PRKAR1B: variants seen among roughly 807,000 people sequenced by gnomAD.
PRKAR1B encodes protein kinase cAMP-dependent type I regulatory subunit beta, also known as cAMP-dependent protein kinase type I-beta regulatory subunit.
PRKAR1B carries 22 observed loss-of-function variants against 46.5 expected under a neutral mutation model. The ratio of observed to expected loss-of-function variants is 0.47; its 90% CI spans 0.34 to 0.68. The LOEUF (loss-of-function observed/expected upper bound fraction) is 0.68. PRKAR1B is among the 30% of genes least tolerant of loss of function. The pLI, the probability that PRKAR1B is intolerant of heterozygous loss-of-function variation, is 0.01. For synonymous variants in PRKAR1B, 259 were observed against 217.7 expected, an observed-to-expected ratio of 1.19 and a Z score of -1.67; for missense variants, 445 against 535.6, an observed-to-expected ratio of 0.83 and a Z score of 1.67.
intron 1 of PRKAR1B, among the ~76,000 whole-genome samples, chr7:724,523 G>A (rs1180557126): frequency 1.6e-4 from 25 of 152,216 alleles, no homozygotes; most frequent in Admixed American, 1.5e-3. Context: ...CCAGCCATGT[G>A]GAACTGTGAG....
At chr7:636,972 C>A (rs1041917178) in intron 4 of PRKAR1B, among the ~76,000 whole-genome samples, 3 of 152,168 alleles carry the variant, frequency 2.0e-5, no homozygotes, top group African/African-American at 7.2e-5. Flanking sequence ...CCGGGACAGG[C>A]CAAGCTCCAG....
intron 6 of PRKAR1B, among the ~76,000 whole-genome samples, chr7:599,331 CTT>C (rs1781460799): frequency 6.6e-6 from 1 of 151,544 alleles, no homozygotes; most frequent in Admixed American, 6.6e-5. Context: ...GAGTTTCGCT[CTT>C]GTTCCTCAGG....
intron 7 of PRKAR1B, among the ~76,000 whole-genome samples, chr7:592,297 C>T (rs571986814): frequency 3.9e-5 from 6 of 152,378 alleles, no homozygotes; most frequent in African/African-American, 1.4e-4. Flanking sequence ...CTCGGGGACC[C>T]TCCGTGACCT....
chr7:607,987 A>C (rs1782204540), intron 4 of PRKAR1B: 1 of 156,316 alleles, frequency 6.4e-6, no homozygotes, highest in Admixed American at 6.5e-5. Flanking sequence ...GGTGAGGCCG[A>C]GTCTCAGGGC....
chr7:581,207 G>A (rs996552601), intron 8 of PRKAR1B, among the ~76,000 whole-genome samples: 111 of 151,898 alleles, frequency 7.3e-4, no homozygotes, highest in African/African-American at 2.7e-3. Context: ...GGAGGCTGAG[G>A]CAGGAGAATG....
At chr7:680,236 C>A (rs1382009048) in intron 3 of PRKAR1B, among the ~76,000 whole-genome samples, 1 of 152,002 alleles carries the variant, frequency 6.6e-6, no homozygotes, top group South Asian at 2.1e-4. Context: ...GACAGAGCCT[C>A]TGCTCACTCC....
In PRKAR1B at chr7:619,278, C is replaced by T. The variant is rs181204354; in HGVS notation, c.441-11826G>A. ...CCTCAGGGGGAACCAGCCCTGCCCA[C>T]ATCTTGAGCTTGGACTTCTGGCCTC... On this transcript the variant is annotated intron_variant, in intron 4 of 10. Coordinates refer to ENST00000537384, the MANE Select transcript of PRKAR1B (RefSeq NM_001164760.2). Among the ~76,000 whole-genome samples, 13 of 152,334 alleles carry T rather than the reference C, an allele frequency of 8.5e-5. No individual in the cohort carries two copies. In the East Asian group the frequency reaches 2.5e-3, roughly 29 times the overall value.
At chr7:690,225 G>A (rs1779336375) in intron 2 of PRKAR1B, among the ~76,000 whole-genome samples, 1 of 151,808 alleles carries the variant, frequency 6.6e-6, no homozygotes, top group Non-Finnish European at 1.5e-5. Flanking sequence ...GAACCCAGGA[G>A]GCAGACGTTG....
chr7:555,699 G>A (rs994409912), intron 9 of PRKAR1B, among the ~76,000 whole-genome samples: 1 of 152,082 alleles, frequency 6.6e-6, no homozygotes, highest in Non-Finnish European at 1.5e-5. Context: ...TCTCCACTTC[G>A]CAGATGGAAG....
At chr7:636,050 G>A (rs1344755847) in intron 4 of PRKAR1B, among the ~76,000 whole-genome samples, 16 of 22,204 alleles carry the variant, frequency 7.2e-4, no homozygotes, top group African/African-American at 2.9e-3. Context: ...GTCCTCCACC[G>A]GCCGCGCCCA....
At chr7:606,330 G>T in intron 5 of PRKAR1B, 91 bp from the exon 6 acceptor site, 1 of 1,185,258 alleles carries the variant, frequency 8.4e-7, no homozygotes, top group Non-Finnish European at 1.2e-6. Flanking sequence ...CAACACTGTT[G>T]CAGAGACCCT....
rs192742306 is a variant in PRKAR1B at position 652,751 on chromosome 7, C to T, written c.440+24478G>A. Among the ~76,000 whole-genome samples the T allele has an allele frequency of 9.2e-5, 14 of 152,356 alleles. No homozygotes were observed. In the East Asian group the frequency reaches 2.7e-3, roughly 29 times the overall value. ...GAGATTTGGAGCCAGAGACAATTCC[C>T]AACCCATTCAATAAGGATTTCTTGG... On this transcript the variant is annotated intron_variant, in intron 4 of 10. Coordinates refer to ENST00000537384, the MANE Select transcript of PRKAR1B (RefSeq NM_001164760.2).
chr7:628,557 C>A (rs553009058), intron 4 of PRKAR1B, among the ~76,000 whole-genome samples: 38 of 152,322 alleles, frequency 2.5e-4, no homozygotes, highest in African/African-American at 8.9e-4. Flanking sequence ...CAAAGGCCGG[C>A]AGGGGCTCGA....
intron 2 of PRKAR1B, among the ~76,000 whole-genome samples, chr7:695,909 C>CCA (rs1779710562): frequency 6.6e-6 from 1 of 151,480 alleles, no homozygotes; most frequent in Non-Finnish European, 1.5e-5. Flanking sequence ...CGTTATTCAC[C>CCA]CCTCTTGGCC....
chr7:575,373 G>A (rs1562529926), intron 9 of PRKAR1B, among the ~76,000 whole-genome samples: 1 of 152,202 alleles, frequency 6.6e-6, no homozygotes, highest in Non-Finnish European at 1.5e-5. Context: ...AGGCTGTGGT[G>A]GAAGCTGTAA....
At chr7:726,690 G>C in intron 1 of PRKAR1B, 1 of 1,228,436 alleles carries the variant, frequency 8.1e-7, no homozygotes, top group Non-Finnish European at 1.0e-6. Context: ...CGAAAGCGCT[G>C]TTCCCCTTAG....
chr7:725,149 G>A (rs1444970499), intron 1 of PRKAR1B, among the ~76,000 whole-genome samples: 3 of 151,252 alleles, frequency 2.0e-5, no homozygotes, highest in Non-Finnish European at 4.4e-5. Flanking sequence ...GGGAGGCAGA[G>A]TCTGCAGTGA....
chr7:726,216 G>A (rs1562368362), intron 1 of PRKAR1B, among the ~76,000 whole-genome samples: 1 of 152,230 alleles, frequency 6.6e-6, no homozygotes, highest in Non-Finnish European at 1.5e-5. Flanking sequence ...CTAATGACAG[G>A]CTGCACGTGA....
chr7:554,273 G>A (rs1212812645), intron 9 of PRKAR1B, among the ~76,000 whole-genome samples: 1 of 152,268 alleles, frequency 6.6e-6, no homozygotes, highest in Non-Finnish European at 1.5e-5. Context: ...GGTTAGCTGG[G>A]GTCTGGAGCA....
Sources: allele counts gnomAD v4.1 joint callset (sites outside exome capture counted in the v4.1 genomes callset), GRCh38; gene constraint gnomAD v4.1.1; transcripts MANE v1.5; gene names NCBI Gene and HGNC (gene_info 2026-07-23, HGNC 2026-07-21).